The following IMPG1 variants were observed in gnomAD, a reference collection of about 807,000 sequenced individuals.
IMPG1 encodes interphotoreceptor matrix proteoglycan 1.
Under a neutral mutation model 92.0 loss-of-function variants are expected in IMPG1, and 85 were observed. That is an observed-to-expected ratio of 0.92 (90% CI 0.78 to 1.11). The LOEUF (loss-of-function observed/expected upper bound fraction) is 1.11, where lower values mean the gene tolerates loss of function less well. Among genes scored for constraint, IMPG1 ranks in the 50% least tolerant of loss-of-function variants. The probability of loss-of-function intolerance (pLI) is 0.00; values close to 1 mark genes in which losing one functional copy is unlikely to be tolerated. For synonymous variants in IMPG1, 367 were observed against 334.1 expected (o/e 1.10, Z -1.08); for missense variants, 1,022 against 956.0 (o/e 1.07, Z -0.91).
intron 7 of IMPG1, among the ~76,000 whole-genome samples, chr6:76,013,935 AT>A (rs1160445081): frequency 2.6e-5 from 4 of 152,178 alleles, no homozygotes; most frequent in Non-Finnish European, 5.9e-5. Flanking sequence ...TTATATACAT[AT>A]TTTTTGTGAC....
chr6:76,054,832 A>C (rs1425654157), intron 1 of IMPG1, among the ~76,000 whole-genome samples: 1 of 141,006 alleles, frequency 7.1e-6, no homozygotes, highest in African/African-American at 2.6e-5. Flanking sequence ...ATTAGGCAGA[A>C]GACATTACAA....
At chr6:76,030,151 AG>A (rs951753772) in intron 4 of IMPG1, among the ~76,000 whole-genome samples, 1 of 152,146 alleles carries the variant, frequency 6.6e-6, no homozygotes, top group African/African-American at 2.4e-5. Context: ...GGGAATTCCA[AG>A]GCTACTGACA....
At chr6:75,929,639 T>C (rs528061996) in intron 15 of IMPG1, among the ~76,000 whole-genome samples, 1 of 151,148 alleles carries the variant, frequency 6.6e-6, no homozygotes, top group Non-Finnish European at 1.5e-5. Context: ...GCATGGCACA[T>C]GTATACATAT....
intron 12 of IMPG1, among the ~76,000 whole-genome samples, chr6:75,975,061 T>G (rs1213313041): frequency 1.3e-5 from 2 of 152,242 alleles, no homozygotes; most frequent in Non-Finnish European, 2.9e-5. Context: ...TCTGTTGACT[T>G]GGATGTGCCT....
intron 7 of IMPG1, 50 bp from the exon 8 acceptor site, chr6:76,011,274 G>A (rs760852249): frequency 4.4e-6 from 4 of 916,722 alleles, no homozygotes; most frequent in Admixed American, 4.0e-5. Context: ...TGCTGGGTCA[G>A]TTCTTGCCTA....
chr6:76,034,095 A>G (rs1044201173), intron 4 of IMPG1, among the ~76,000 whole-genome samples: 1 of 152,224 alleles, frequency 6.6e-6, no homozygotes, highest in African/African-American at 2.4e-5. Flanking sequence ...TGTGCAAACA[A>G]TGCAAATGTC....
chr6:76,037,651 C>A (rs1036838683), intron 2 of IMPG1, among the ~76,000 whole-genome samples: 6 of 152,226 alleles, frequency 3.9e-5, no homozygotes, highest in Admixed American at 6.5e-5. Flanking sequence ...TCTAAGCAAA[C>A]CAGCTGCCTT....
chr6:76,043,479 C>T (rs1362398241), intron 1 of IMPG1, among the ~76,000 whole-genome samples: 1 of 100,600 alleles, frequency 9.9e-6, no homozygotes, highest in African/African-American at 3.0e-5. Context: ...TCAGAGTGCC[C>T]TGTGTTCCTC....
At chr6:76,037,549 C>T (rs146105215) in intron 2 of IMPG1, among the ~76,000 whole-genome samples, 1 of 152,194 alleles carries the variant, frequency 6.6e-6, no homozygotes, top group African/African-American at 2.4e-5. Flanking sequence ...TCTGACCCTT[C>T]ATCTCTGGTC....
At chr6:75,999,424 A>T (rs1399425132) in intron 12 of IMPG1, among the ~76,000 whole-genome samples, 2 of 152,200 alleles carry the variant, frequency 1.3e-5, no homozygotes, top group Non-Finnish European at 2.9e-5. Context: ...AAAATTTTCC[A>T]GGCTAAAATT....
At chr6:76,004,085 A>G in intron 10 of IMPG1, 135 bp from the exon 11 acceptor site, 1 of 629,170 alleles carries the variant, frequency 1.6e-6, no homozygotes, top group Non-Finnish European at 2.7e-6. Flanking sequence ...TTAGGAAACC[A>G]GAGGCATAGA....
chr6:76,052,148 A>AG (rs751724138), intron 1 of IMPG1, among the ~76,000 whole-genome samples: 2 of 152,144 alleles, frequency 1.3e-5, no homozygotes, highest in Non-Finnish European at 2.9e-5. Context: ...TCGTGCCCAG[A>AG]GGGGATGACC....
chr6:76,012,889 C>A (rs1462164613), intron 7 of IMPG1, among the ~76,000 whole-genome samples: 1 of 152,138 alleles, frequency 6.6e-6, no homozygotes, highest in Non-Finnish European at 1.5e-5. Context: ...GGTCATGAAC[C>A]CCGACTGTCT....
At chr6:76,066,145 T>TACA (rs1784306660) in intron 1 of IMPG1, among the ~76,000 whole-genome samples, 1 of 152,022 alleles carries the variant, frequency 6.6e-6, no homozygotes, top group African/African-American at 2.4e-5. Context: ...ATACAGGTGT[T>TACA]ATAAAAGTAC....
At chr6:75,947,187 T>G (rs987530179) in intron 14 of IMPG1, 127 bp downstream of exon 14, 1 of 685,372 alleles carries the variant, frequency 1.5e-6, no homozygotes, top group African/African-American at 1.8e-5. Flanking sequence ...TCCAAAAGGT[T>G]ATTTCATCTG....
At position 76,003,912 on chromosome 6, in the gene IMPG1, G is replaced by T. The variant is rs756710105; in HGVS notation, c.1174C>A (p.Gln392Lys). The change falls in exon 11 of 17, where the codon CAA (glutamine) becomes AAA (lysine). Residue 392 changes from glutamine to lysine, a missense_variant. Physicochemically the swap from Gln to Lys is moderately conservative, Grantham distance 53. Transcript: ENST00000369950. ...GCAAAAGATGTGGGCAGCTCTGATTGGGTGTCAGGACCAAAGGCTGGCAGT... is the reference window on the plus strand; with the variant it reads ...GCAAAAGATGTGGGCAGCTCTGATTTGGTGTCAGGACCAAAGGCTGGCAGT... The part of the protein sequence containing the change: ...GSLPAFGPDT[Q>K]SELPTSFAVI... 6.2e-7 allele frequency: 1 copy of T among 1,613,250 alleles called. No homozygotes were observed. The highest frequency in any genetic ancestry group is 2.2e-5 in the East Asian group (1 of 44,834).
Position 76,034,309 on chromosome 6 carries a change from A to T in IMPG1, c.497+6T>A. On this transcript the variant is annotated splice_donor_region_variant and intron_variant, in intron 4 of 16. Coordinates refer to ENST00000369950, the MANE Select transcript of IMPG1 (RefSeq NM_001563.4). ...CACACACACACACTCTATTTTGGGT[A>T]CTTGCCTGTCAGGGAAACTTCTCTG... The T allele has an allele frequency of 6.2e-7, 1 of 1,612,456 alleles. No homozygotes were observed.
At chr6:75,958,494 C>G (rs971464393) in intron 12 of IMPG1, among the ~76,000 whole-genome samples, 4 of 152,098 alleles carry the variant, frequency 2.6e-5, no homozygotes, top group Admixed American at 2.0e-4. Flanking sequence ...CAACTTGGTT[C>G]CATTCGCCCC....
At chr6:75,973,368 T>G (rs1782454862) in intron 12 of IMPG1, among the ~76,000 whole-genome samples, 2 of 149,942 alleles carry the variant, frequency 1.3e-5, no homozygotes, top group South Asian at 4.2e-4. Flanking sequence ...TTTAGACTAT[T>G]TGAATGTTTG....
Sources: allele counts gnomAD v4.1 joint callset (sites outside exome capture counted in the v4.1 genomes callset), GRCh38; gene constraint gnomAD v4.1.1; transcripts MANE v1.5; gene names NCBI Gene and HGNC (gene_info 2026-07-23, HGNC 2026-07-21).